The following GLIS3 variants were observed in gnomAD, a reference collection of about 807,000 sequenced individuals.
The protein encoded by GLIS3 is GLIS family zinc finger 3.
Under a neutral mutation model 78.6 loss-of-function variants are expected in GLIS3, and 53 were observed. The observed-to-expected ratio is 0.67, with a 90% confidence interval of 0.54 to 0.85. The LOEUF (loss-of-function observed/expected upper bound fraction) is 0.85, where lower values mean the gene tolerates loss of function less well. Ranked by LOEUF, GLIS3 falls within the 40% of genes least tolerant of loss-of-function variation. The probability of loss-of-function intolerance (pLI) is 0.00; values close to 1 mark genes in which losing one functional copy is unlikely to be tolerated. For missense variants in GLIS3, 1,703 were observed against 1,231.1 expected (o/e 1.38, Z -5.74); for synonymous variants, 684 against 509.9 (o/e 1.34, Z -4.60).
chr9:3,935,855 G>T (rs915387811), intron 5 of GLIS3, among the ~76,000 whole-genome samples: 2 of 152,054 alleles, frequency 1.3e-5, no homozygotes, highest in African/African-American at 4.8e-5. Context: ...CACCCATGTT[G>T]CTCTAATTAT....
At chr9:4,375,150 T>C in the GLIS3 span, among the ~76,000 whole-genome samples, 4 of 152,186 alleles carry the variant, frequency 2.6e-5, no homozygotes, top group Admixed American at 6.5e-5. Flanking sequence ...CAAAAATGAA[T>C]TTGGAATTCT....
At chr9:4,021,736 C>G (rs1029110723) in intron 4 of GLIS3, among the ~76,000 whole-genome samples, 3 of 152,142 alleles carry the variant, frequency 2.0e-5, no homozygotes, top group Admixed American at 1.3e-4. Flanking sequence ...TAAGAAGTAT[C>G]CAGGTATTCT....
intron 4 of GLIS3, 138 bp downstream of exon 4, chr9:4,117,630 G>A (rs551206353): frequency 1.1e-6 from 1 of 936,360 alleles, no homozygotes; most frequent in African/African-American, 1.6e-5. Flanking sequence ...CCTTCCTCAA[G>A]CTGAAGGGGA....
intron 2 of GLIS3, 22 bp downstream of exon 2, chr9:4,286,016 G>A: frequency 1.2e-6 from 2 of 1,614,002 alleles, no homozygotes; most frequent in East Asian, 4.5e-5. Context: ...ATTTTTAAAA[G>A]GTTCCAGAAA....
intron 4 of GLIS3, among the ~76,000 whole-genome samples, chr9:4,082,078 G>C (rs1828593721): frequency 1.3e-5 from 2 of 152,212 alleles, no homozygotes; most frequent in Admixed American, 1.3e-4. Flanking sequence ...TTTTCCTCTG[G>C]AAAGATTTCT....
chr9:3,950,372 G>C (rs1816596817), intron 4 of GLIS3, among the ~76,000 whole-genome samples: 1 of 152,182 alleles, frequency 6.6e-6, no homozygotes, highest in East Asian at 1.9e-4. Flanking sequence ...ATTTCCCACT[G>C]GTTTTCAAAT....
the GLIS3 span, among the ~76,000 whole-genome samples, chr9:4,487,702 T>A: frequency 0.22 from 33,203 of 149,648 alleles, 4,741 homozygotes; most frequent in East Asian, 0.57. Flanking sequence ...TTTTTTTTTT[T>A]AAATAGATAG....
rs545689074 is a variant in GLIS3, at chr9:4,245,988, T to C, written c.388+40050A>G. ...ATCAGAGAAAAGTAATTCTCGGCTGTGTTTCTACCTCCTCTATCTGCCAGA... is the reference window on the plus strand; with the variant it reads ...ATCAGAGAAAAGTAATTCTCGGCTGCGTTTCTACCTCCTCTATCTGCCAGA... On this transcript the variant is annotated intron_variant, in intron 2 of 10. Coordinates refer to ENST00000381971, the MANE Select transcript of GLIS3 (RefSeq NM_001042413.2). Among the ~76,000 whole-genome samples the C allele has an allele frequency of 4.4e-3, 674 of 152,350 alleles. 6 individuals are homozygous for C. Among genetic ancestry groups the C allele is most frequent in the Non-Finnish European group, 6.8e-3 (463 of 68,032 alleles).
intron 4 of GLIS3, among the ~76,000 whole-genome samples, chr9:4,028,642 C>T (rs1457965462): frequency 1.3e-5 from 2 of 152,152 alleles, no homozygotes; most frequent in African/African-American, 4.8e-5. Context: ...CAATTCCAGC[C>T]ATTTTTCCCC....
At chr9:4,270,260 G>T (rs1302545296) in intron 2 of GLIS3, among the ~76,000 whole-genome samples, 1 of 152,094 alleles carries the variant, frequency 6.6e-6, no homozygotes, top group Non-Finnish European at 1.5e-5. Flanking sequence ...CCTATATTTT[G>T]CCTAATTTTC....
intron 2 of GLIS3, among the ~76,000 whole-genome samples, chr9:4,138,686 A>G (rs1449226697): frequency 1.3e-5 from 2 of 152,206 alleles, no homozygotes; most frequent in Non-Finnish European, 2.9e-5. Flanking sequence ...AAATGCCTTA[A>G]GCTCTCTGTG....
At chr9:4,045,398 C>T (rs963725941) in intron 4 of GLIS3, among the ~76,000 whole-genome samples, 3 of 151,950 alleles carry the variant, frequency 2.0e-5, no homozygotes, top group Admixed American at 6.6e-5. Context: ...TGCAGTGGTG[C>T]GATCTCGGCT....
chr9:4,174,903 G>T (rs1012511058), intron 2 of GLIS3, among the ~76,000 whole-genome samples: 1 of 152,192 alleles, frequency 6.6e-6, no homozygotes, highest in Non-Finnish European at 1.5e-5. Flanking sequence ...CAAGAATCTA[G>T]ATCTGACCGT....
At chr9:3,960,916 G>C (rs1377669128) in intron 4 of GLIS3, among the ~76,000 whole-genome samples, 1 of 152,198 alleles carries the variant, frequency 6.6e-6, no homozygotes, top group African/African-American at 2.4e-5. Context: ...TGATGCTTTT[G>C]TAAGGCTAAA....
intron 4 of GLIS3, among the ~76,000 whole-genome samples, chr9:4,049,079 AC>A (rs1227074902): frequency 9.2e-5 from 14 of 152,200 alleles, no homozygotes; most frequent in Admixed American, 6.5e-5. Context: ...TCAGACACAC[AC>A]CAATGATGTC....
chr9:4,353,052 C>T (rs1817995159), upstream of GLIS3, among the ~76,000 whole-genome samples: 1 of 152,082 alleles, frequency 6.6e-6, no homozygotes, highest in South Asian at 2.1e-4. Flanking sequence ...AAAGTTTTTT[C>T]AGCCTGGGGT....
chr9:4,343,753 T>C (rs555035114), intron 2 of GLIS3, among the ~76,000 whole-genome samples: 183 of 152,306 alleles, frequency 1.2e-3, no homozygotes, highest in Non-Finnish European at 2.0e-3. Context: ...AATGAGATCT[T>C]GTCCTTTGCA....
chr9:4,023,094 A>G (rs893193418), intron 4 of GLIS3, among the ~76,000 whole-genome samples: 1 of 152,212 alleles, frequency 6.6e-6, no homozygotes, highest in Non-Finnish European at 1.5e-5. Flanking sequence ...ATATTTGAAA[A>G]CAAATTATAT....
intron 2 of GLIS3, among the ~76,000 whole-genome samples, chr9:4,241,204 T>C (rs376366819): frequency 2.6e-5 from 4 of 152,188 alleles, no homozygotes; most frequent in African/African-American, 9.6e-5. Flanking sequence ...GGAGTAGACG[T>C]GAAAGGAAAG....
Sources: gnomAD v4.1 joint callset for allele counts (sites outside exome capture counted in the v4.1 genomes callset) on GRCh38, gnomAD v4.1.1 for gene constraint, MANE v1.5 for transcripts, NCBI Gene and HGNC (gene_info 2026-07-23, HGNC 2026-07-21) for gene names.